Variants in KCNJ3 observed in about 807,000 individuals in gnomAD.
KCNJ3 encodes potassium inwardly rectifying channel subfamily J member 3.
KCNJ3 carries 4 observed loss-of-function variants against 39.2 expected under a neutral mutation model. The ratio of observed to expected loss-of-function variants is 0.10; its 90% CI spans 0.05 to 0.23. The LOEUF (loss-of-function observed/expected upper bound fraction) is 0.23, where lower values mean the gene tolerates loss of function less well. Among genes scored for constraint, KCNJ3 ranks in the 10% least tolerant of loss-of-function variants. The pLI, the probability that KCNJ3 is intolerant of heterozygous loss-of-function variation, is 1.00. For synonymous variants in KCNJ3, 230 were observed against 237.4 expected, an observed-to-expected ratio of 0.97 and a Z score of 0.29; for missense variants, 276 against 634.9, an observed-to-expected ratio of 0.43 and a Z score of 6.08.
chr2:154,800,514 G>A, intron 2 of KCNJ3, among the ~76,000 whole-genome samples: 1 of 152,060 alleles, frequency 6.6e-6, no homozygotes, highest in Non-Finnish European at 1.5e-5. Context: ...TTTATTTTCA[G>A]AGCACTTATG....
At chr2:154,733,904 T>C (rs1685483033) in intron 2 of KCNJ3, among the ~76,000 whole-genome samples, 1 of 152,258 alleles carries the variant, frequency 6.6e-6, no homozygotes, top group Non-Finnish European at 1.5e-5. Context: ...CATGTGTTTG[T>C]TGGTGTTGGG....
At position 154,699,679 on chromosome 2, in the gene KCNJ3, T is replaced by C. The variant is rs1684853294; in HGVS notation, c.702+202T>C. 1 of 287,536 alleles carries C rather than the reference T, an allele frequency of 3.5e-6. No homozygotes were observed. Among genetic ancestry groups the C allele is most frequent in the Non-Finnish European group, 5.2e-6 (1 of 191,856 alleles). The allele number at this position is 287,536 out of a possible 1,614,324, so 17.8% of individuals were successfully genotyped here. A position where few individuals can be genotyped will look rare whatever the true frequency, so the allele number is the denominator to read the frequency against. ...GTTCCTTTTCCACTCACTCTCGTGC[T>C]CTTGTTTATATTCGTCATTTCGGAT... On this transcript the variant is annotated intron_variant, in intron 1 of 2. Coordinates refer to ENST00000295101, the MANE Select transcript of KCNJ3 (RefSeq NM_002239.4). The surrounding 1 kb of genome is among the most constrained non-coding windows in gnomAD (Gnocchi z 6.4).
rs917956230 is a variant in KCNJ3, at chr2:154,699,385, A to T, written c.610A>T (p.Met204Leu). The change falls in exon 1 of 3, where the codon ATG becomes TTG. Residue 204 changes from methionine to leucine, a missense_variant. Coordinates refer to ENST00000295101, the MANE Select transcript of KCNJ3 (RefSeq NM_002239.4). This position sits in a 1 kb window ranked among gnomAD's most constrained non-coding sequence, Gnocchi z 6.4. Reference sequence around the variant, plus strand: ...GTTCAGCGAGCACGCGGTGATCTCCATGAGGGACGGAAAACTCACGCTTAT... The same window carrying T: ...GTTCAGCGAGCACGCGGTGATCTCCTTGAGGGACGGAAAACTCACGCTTAT... Reference protein sequence around the residue: ...LMFSEHAVISMRDGKLTLMFR... With the variant: ...LMFSEHAVISLRDGKLTLMFR... 1 of 1,610,468 alleles carries T rather than the reference A, an allele frequency of 6.2e-7. No individual in the cohort carries two copies. The highest frequency in any genetic ancestry group is 1.3e-5 in the African/African-American group (1 of 75,008).
chr2:154,744,496 A>G (rs919360460), intron 2 of KCNJ3, among the ~76,000 whole-genome samples: 18 of 151,786 alleles, frequency 1.2e-4, no homozygotes, highest in Non-Finnish European at 2.4e-4. Context: ...TTAGAAATTC[A>G]ATTTCTTTAT....
At chr2:154,747,866 A>T (rs1342736501) in intron 2 of KCNJ3, among the ~76,000 whole-genome samples, 1 of 151,966 alleles carries the variant, frequency 6.6e-6, no homozygotes, top group Non-Finnish European at 1.5e-5. Flanking sequence ...AAGGTGGAAG[A>T]TTCCAGTGGC....
intron 2 of KCNJ3, among the ~76,000 whole-genome samples, chr2:154,828,835 A>G (rs1687313548): frequency 6.6e-6 from 1 of 152,200 alleles, no homozygotes; most frequent in Non-Finnish European, 1.5e-5. Context: ...GGGGTAAAAT[A>G]TTTAGTTTGA....
Position 154,723,336 on chromosome 2 carries a change from A to G in KCNJ3, c.919+13517A>G, listed in dbSNP as rs372474755. On this transcript the variant is annotated intron_variant, in intron 2 of 2. Transcript: ENST00000295101. ...GGAAATATATAATGGAAGAGTTTCT[A>G]AATTTAGGTTTGGACTGCAGGGTGA... Among the ~76,000 whole-genome samples the G allele has an allele frequency of 1.7e-4, 26 of 152,228 alleles. No homozygotes were observed. The East Asian group carries it at 3.7e-3, about 21-fold the overall frequency.
intron 2 of KCNJ3, among the ~76,000 whole-genome samples, chr2:154,842,485 T>C (rs2937614): frequency 0.71 from 108,445 of 152,004 alleles, 40,156 homozygotes; most frequent in East Asian, 0.94. Context: ...GTTCAGGTCC[T>C]GGATATCCTT....
intron 2 of KCNJ3, among the ~76,000 whole-genome samples, chr2:154,826,639 T>C (rs926061202): frequency 2.2e-4 from 34 of 152,360 alleles, no homozygotes; most frequent in African/African-American, 7.9e-4. Context: ...CACTGTTGTT[T>C]CTCTTTGACA....
intron 2 of KCNJ3, among the ~76,000 whole-genome samples, chr2:154,854,246 A>AG (rs1403188417): frequency 6.6e-6 from 1 of 152,148 alleles, no homozygotes; most frequent in African/African-American, 2.4e-5. Flanking sequence ...GTTGTGAGAC[A>AG]GGTATTGTTG....
At chr2:154,854,157 CATTA>C (rs1260665392) in intron 2 of KCNJ3, among the ~76,000 whole-genome samples, 1 of 152,110 alleles carries the variant, frequency 6.6e-6, no homozygotes, top group Non-Finnish European at 1.5e-5. Context: ...GGTAAGCGTC[CATTA>C]ATTGAGTCAC....
Position 154,785,332 on chromosome 2 carries a change from CCT to C in KCNJ3, c.920-69394_920-69393del, listed in dbSNP as rs1574461671. The stretch of plus-strand genomic sequence containing the variant: ...TATGGTTTCTTCTGAGGACCCTCCT[CCT>C]GCCTTACAGATGGCCATCTTCTTGC... On this transcript the variant is annotated intron_variant, in intron 2 of 2. Coordinates refer to ENST00000295101, the MANE Select transcript of KCNJ3 (RefSeq NM_002239.4). 4.6e-5 allele frequency among the ~76,000 whole-genome samples: 7 copies of C among 152,270 alleles called. No individual in the cohort carries two copies. The East Asian group carries it at 1.2e-3, about 25-fold the overall frequency.
chr2:154,811,477 A>G (rs1411760667), intron 2 of KCNJ3, among the ~76,000 whole-genome samples: 1 of 152,090 alleles, frequency 6.6e-6, no homozygotes, highest in Admixed American at 6.6e-5. Flanking sequence ...TATTTTTAGT[A>G]GAGTTGGGGT....
intron 2 of KCNJ3, among the ~76,000 whole-genome samples, chr2:154,727,140 A>T (rs928314043): frequency 2.0e-5 from 3 of 152,118 alleles, no homozygotes; most frequent in African/African-American, 7.2e-5. Context: ...ACCAAACACC[A>T]CTGTTCAAAA....
intron 2 of KCNJ3, among the ~76,000 whole-genome samples, chr2:154,837,045 A>G (rs1047778392): frequency 2.6e-5 from 4 of 152,220 alleles, no homozygotes; most frequent in African/African-American, 9.6e-5. Flanking sequence ...AAATTTCACC[A>G]AAACTTTAGA....
intron 2 of KCNJ3, among the ~76,000 whole-genome samples, chr2:154,829,136 T>A (rs1193204892): frequency 6.6e-6 from 1 of 152,162 alleles, no homozygotes; most frequent in African/African-American, 2.4e-5. Context: ...TATGTATAAC[T>A]GATATTGTAG....
chr2:154,822,118 A>G (rs1687194711), intron 2 of KCNJ3, among the ~76,000 whole-genome samples: 1 of 152,216 alleles, frequency 6.6e-6, no homozygotes. Flanking sequence ...AAACATCAGA[A>G]ACAAGGCAGC....
intron 1 of KCNJ3, among the ~76,000 whole-genome samples, chr2:154,701,623 A>G (rs751318582): frequency 1.4e-4 from 21 of 152,200 alleles, no homozygotes; most frequent in Middle Eastern, 3.4e-3. Context: ...TGAAAGATGT[A>G]TAGTGTCGAC....
chr2:154,797,770 T>A (rs1197223560), intron 2 of KCNJ3, among the ~76,000 whole-genome samples: 1 of 152,098 alleles, frequency 6.6e-6, no homozygotes, highest in Non-Finnish European at 1.5e-5. Context: ...ATATGATGAT[T>A]TATAAAACCA....
Sources: gnomAD v4.1 joint callset for allele counts (sites outside exome capture counted in the v4.1 genomes callset) on GRCh38, gnomAD v4.1.1 for gene constraint, Gnocchi (gnomAD v3.1) non-coding constraint, MANE v1.5 for transcripts, NCBI Gene and HGNC (gene_info 2026-07-23, HGNC 2026-07-21) for gene names.